LRTM1: variants seen among roughly 807,000 people sequenced by gnomAD.
LRTM1 encodes the protein leucine-rich repeat and transmembrane domain-containing protein 1.
Under a neutral mutation model 32.4 loss-of-function variants are expected in LRTM1, and 38 were observed. The observed-to-expected ratio is 1.17, with a 90% confidence interval of 0.91 to 1.54. LRTM1 has a LOEUF of 1.54. Among genes scored for constraint, LRTM1 ranks in the 40% most tolerant of loss-of-function variants. LRTM1 has a pLI of 0.00. For synonymous variants in LRTM1, 186 were observed against 169.9 expected, an observed-to-expected ratio of 1.09 and a Z score of -0.74; for missense variants, 466 against 415.4, an observed-to-expected ratio of 1.12 and a Z score of -1.06.
chr3:54,936,834 A>G (rs1312663081), intron 1 of LRTM1, among the ~76,000 whole-genome samples: 1 of 152,172 alleles, frequency 6.6e-6, no homozygotes. Context: ...CATTGTGTTC[A>G]ACAAGCAAGC....
chr3:54,935,465 G>A (rs1352291197), intron 1 of LRTM1, among the ~76,000 whole-genome samples: 1 of 152,166 alleles, frequency 6.6e-6, no homozygotes, highest in African/African-American at 2.4e-5. Context: ...GTTAATGAAA[G>A]AAACAAACGG....
intron 1 of LRTM1, among the ~76,000 whole-genome samples, chr3:54,936,317 T>C (rs1701327249): frequency 6.6e-6 from 1 of 152,210 alleles, no homozygotes; most frequent in Non-Finnish European, 1.5e-5. Flanking sequence ...AGGAGTATTC[T>C]GCCCGTGGAC....
chr3:54,934,791 G>C (rs1425902638), intron 1 of LRTM1, among the ~76,000 whole-genome samples: 1 of 152,110 alleles, frequency 6.6e-6, no homozygotes, highest in East Asian at 1.9e-4. Context: ...GAGTGCAGTG[G>C]CGCTATCGTA....
chr3:54,944,566 G>A (rs1366042852), intron 1 of LRTM1, among the ~76,000 whole-genome samples: 1 of 151,890 alleles, frequency 6.6e-6, no homozygotes, highest in Non-Finnish European at 1.5e-5. Flanking sequence ...GACTACAGGC[G>A]CCCACCACCC....
At chr3:54,953,990 C>G (rs898109606) in intron 1 of LRTM1, among the ~76,000 whole-genome samples, 5 of 152,192 alleles carry the variant, frequency 3.3e-5, no homozygotes, top group Admixed American at 6.5e-5. Context: ...TCAGGAGTGC[C>G]ATCCATGCAG....
chr3:54,955,660 A>G (rs1332622170), intron 1 of LRTM1, among the ~76,000 whole-genome samples: 1 of 152,094 alleles, frequency 6.6e-6, no homozygotes, highest in Non-Finnish European at 1.5e-5. Flanking sequence ...GGTGGAATGG[A>G]GAAATGTGTA....
At chr3:54,940,724 C>G (rs1015960492) in intron 1 of LRTM1, among the ~76,000 whole-genome samples, 3 of 152,124 alleles carry the variant, frequency 2.0e-5, no homozygotes. Context: ...TCTGGACGTT[C>G]CTTTTGCATT....
rs749180723 is a variant in LRTM1, at chr3:54,918,442, ATTTGAGAC to A, written c.*9_*16del. On this transcript the variant is annotated 3_prime_UTR_variant, in exon 3 of 3. Coordinates refer to ENST00000273286, the MANE Select transcript of LRTM1 (RefSeq NM_020678.4). ...CTTCTGGCCTGCAATGACCAATCCTATTTGAGACAAAAGCTCTCAGGCTGGTGAGCTGT... is the reference window on the plus strand; with the variant it reads ...CTTCTGGCCTGCAATGACCAATCCTAAAAAGCTCTCAGGCTGGTGAGCTGT... The A allele has an allele frequency of 1.2e-6, 2 of 1,602,338 alleles. No homozygotes were observed. Among genetic ancestry groups the A allele is most frequent in the Non-Finnish European group, 1.7e-6 (2 of 1,176,562 alleles).
intron 1 of LRTM1, among the ~76,000 whole-genome samples, chr3:54,938,088 G>C (rs1701374914): frequency 6.6e-6 from 1 of 152,188 alleles, no homozygotes; most frequent in Non-Finnish European, 1.5e-5. Context: ...CTTTGATGTG[G>C]AGTTGGCAGT....
intron 2 of LRTM1, among the ~76,000 whole-genome samples, chr3:54,922,416 A>C (rs1700879523): frequency 6.6e-6 from 1 of 151,812 alleles, no homozygotes; most frequent in Admixed American, 6.6e-5. Flanking sequence ...ACAATACAAT[A>C]GTTCAAGCCA....
intron 1 of LRTM1, among the ~76,000 whole-genome samples, chr3:54,946,489 G>T (rs528222700): frequency 1.3e-5 from 2 of 152,180 alleles, no homozygotes; most frequent in Non-Finnish European, 2.9e-5. Context: ...ATGAAAGGAG[G>T]GGGGATGTGA....
intron 1 of LRTM1, among the ~76,000 whole-genome samples, chr3:54,953,572 C>G (rs1701810079): frequency 6.6e-6 from 1 of 152,188 alleles, no homozygotes; most frequent in East Asian, 1.9e-4. Flanking sequence ...CTTATTCTCT[C>G]AAAGCCACTT....
intron 1 of LRTM1, among the ~76,000 whole-genome samples, chr3:54,948,503 G>A (rs972451756): frequency 2.0e-5 from 3 of 152,230 alleles, no homozygotes; most frequent in Non-Finnish European, 4.4e-5. Context: ...GGCAAAGGTA[G>A]CATCTTCCTG....
intron 1 of LRTM1, among the ~76,000 whole-genome samples, chr3:54,935,922 A>C (rs1052336423): frequency 6.6e-6 from 1 of 152,190 alleles, no homozygotes; most frequent in Non-Finnish European, 1.5e-5. Context: ...CACATCCTGC[A>C]CTTCAGGAAT....
intron 1 of LRTM1, among the ~76,000 whole-genome samples, chr3:54,934,304 A>G (rs990901578): frequency 6.6e-6 from 1 of 152,218 alleles, no homozygotes; most frequent in South Asian, 2.1e-4. Flanking sequence ...GCTCTGACTC[A>G]GGAGGTGAGA....
chr3:54,966,540 C>G (rs1045610984), intron 1 of LRTM1, among the ~76,000 whole-genome samples: 2 of 152,160 alleles, frequency 1.3e-5, no homozygotes, highest in Non-Finnish European at 2.9e-5. Context: ...CATACCCAAG[C>G]CAGCCACATG....
rs570248063 is a variant in LRTM1, at chr3:54,920,467, T to A, written c.605-1575A>T. The stretch of plus-strand genomic sequence containing the variant: ...CTCTAGCAATCCTTTGAGGAAACAG[T>A]CCTCACCCTAAAGCAGAAAGATAAA... On this transcript the variant is annotated intron_variant, in intron 2 of 2. Coordinates refer to ENST00000273286, the MANE Select transcript of LRTM1 (RefSeq NM_020678.4). Among the ~76,000 whole-genome samples the A allele has an allele frequency of 5.9e-5, 9 of 152,288 alleles. No individual in the cohort carries two copies. The South Asian group carries it at 1.9e-3, about 32-fold the overall frequency.
chr3:54,944,444 G>A (rs994186893), intron 1 of LRTM1, among the ~76,000 whole-genome samples: 13 of 146,074 alleles, frequency 8.9e-5, no homozygotes, highest in African/African-American at 2.8e-4. Context: ...ATTTTGAGAC[G>A]GAATCTCGCT....
At chr3:54,929,319 C>A (rs1377874885), upstream of LRTM1, among the ~76,000 whole-genome samples, 1 of 152,188 alleles carries the variant, frequency 6.6e-6, no homozygotes, top group African/African-American at 2.4e-5. Context: ...ATGAGAAAGG[C>A]TTTCAGGATT....
Sources: gnomAD v4.1 joint callset for allele counts (sites outside exome capture counted in the v4.1 genomes callset) on GRCh38, gnomAD v4.1.1 for gene constraint, MANE v1.5 for transcripts, NCBI Gene and HGNC (gene_info 2026-07-23, HGNC 2026-07-21) for gene names.